The following SHTN1 variants were observed in gnomAD, a reference collection of about 807,000 sequenced individuals.
The protein encoded by SHTN1 is shootin 1.
A neutral mutation model predicts 83.1 loss-of-function variants in SHTN1; 42 were observed. The ratio of observed to expected loss-of-function variants is 0.51; its 90% CI spans 0.39 to 0.65. SHTN1 has a LOEUF of 0.65. Among genes scored for constraint, SHTN1 ranks in the 30% least tolerant of loss-of-function variants. The pLI is 0.00. For missense variants in SHTN1, 622 were observed against 737.8 expected (o/e 0.84, Z 1.82); for synonymous variants, 224 against 247.7 (o/e 0.90, Z 0.90).
At chr10:116,896,516 C>T (rs1024708817) in intron 16 of SHTN1, among the ~76,000 whole-genome samples, 4 of 152,000 alleles carry the variant, frequency 2.6e-5, no homozygotes, top group Admixed American at 2.0e-4. Context: ...GTGTCTATGT[C>T]ACATTAAAAA....
intron 1 of SHTN1, among the ~76,000 whole-genome samples, chr10:116,998,655 G>A (rs1332259585): frequency 6.6e-6 from 1 of 152,054 alleles, no homozygotes; most frequent in Non-Finnish European, 1.5e-5. Context: ...GGGTAAGCAG[G>A]GACTACAGTA....
Position 116,967,847 on chromosome 10 carries a change from A to T in SHTN1, c.172+805T>A, listed in dbSNP as rs970555194. Among the ~76,000 whole-genome samples, 4 of 152,210 alleles carry T rather than the reference A, an allele frequency of 2.6e-5. No homozygotes were observed. In the East Asian group the frequency reaches 7.7e-4, roughly 29 times the overall value. On this transcript the variant is annotated intron_variant, in intron 3 of 16. Transcript: ENST00000355371. ...TGTCAATGAAAGAATAATTAAATAC[A>T]TTATGGTACTATCCTATAATGGAAT...
At chr10:116,958,644 C>A (rs921994754) in intron 4 of SHTN1, among the ~76,000 whole-genome samples, 2 of 152,002 alleles carry the variant, frequency 1.3e-5, no homozygotes, top group African/African-American at 4.8e-5. Context: ...TAGAGCAAGA[C>A]AACTGTAGCT....
At chr10:116,972,372 T>G (rs1393719548) in intron 2 of SHTN1, among the ~76,000 whole-genome samples, 1 of 151,426 alleles carries the variant, frequency 6.6e-6, no homozygotes, top group Non-Finnish European at 1.5e-5. Context: ...GTGGGGAGAG[T>G]CTACACATGC....
At chr10:116,887,567 C>G (rs1403791937) in intron 16 of SHTN1, among the ~76,000 whole-genome samples, 1 of 152,184 alleles carries the variant, frequency 6.6e-6, no homozygotes, top group Non-Finnish European at 1.5e-5. Flanking sequence ...ACTGCTCTAC[C>G]AGCCCCTCAC....
At chr10:116,918,410 G>T (rs779314997) in intron 12 of SHTN1, among the ~76,000 whole-genome samples, 30 of 151,058 alleles carry the variant, frequency 2.0e-4, no homozygotes, top group Non-Finnish European at 4.1e-4. Flanking sequence ...AAACGAAAAT[G>T]AATTTCCAAA....
upstream of SHTN1, among the ~76,000 whole-genome samples, chr10:117,008,124 T>C (rs960597874): frequency 6.6e-6 from 1 of 151,998 alleles, no homozygotes; most frequent in African/African-American, 2.4e-5. Flanking sequence ...CATATATATA[T>C]ACAAATATAT....
chr10:116,968,509 G>T, intron 3 of SHTN1, 143 bp downstream of exon 3: 2 of 566,764 alleles, frequency 3.5e-6, no homozygotes, highest in Non-Finnish European at 6.2e-6. Flanking sequence ...GTGATGCCTG[G>T]GCATGTTTGG....
intron 1 of SHTN1, among the ~76,000 whole-genome samples, chr10:117,103,773 T>C (rs990379774): frequency 2.6e-5 from 4 of 152,034 alleles, no homozygotes; most frequent in African/African-American, 9.7e-5. Context: ...CCTGACCTCA[T>C]GATCCGCCCT....
intron 1 of SHTN1, among the ~76,000 whole-genome samples, chr10:117,081,269 C>T (rs373075389): frequency 2.0e-5 from 3 of 151,740 alleles, no homozygotes; most frequent in South Asian, 2.1e-4. Flanking sequence ...TGTCAAAGGC[C>T]TTTTCTGCAT....
At chr10:117,108,810 A>T (rs1387292138) in intron 1 of SHTN1, among the ~76,000 whole-genome samples, 1 of 152,250 alleles carries the variant, frequency 6.6e-6, no homozygotes, top group African/African-American at 2.4e-5. Flanking sequence ...TGATGGAGTG[A>T]GGAAAACAGA....
chr10:116,965,560 A>G (rs757981690), intron 3 of SHTN1, among the ~76,000 whole-genome samples: 11 of 152,230 alleles, frequency 7.2e-5, no homozygotes, highest in Non-Finnish European at 1.2e-4. Context: ...CAGGGATTTC[A>G]GATTTCAACT....
At chr10:116,898,251 T>G (rs887042802) in intron 16 of SHTN1, among the ~76,000 whole-genome samples, 3 of 151,784 alleles carry the variant, frequency 2.0e-5, no homozygotes, top group African/African-American at 7.3e-5. Context: ...TCGCTTGAAC[T>G]TGGGTGGCGG....
chr10:116,887,631 G>A (rs1334901415), intron 16 of SHTN1, among the ~76,000 whole-genome samples: 3 of 152,248 alleles, frequency 2.0e-5, no homozygotes, highest in African/African-American at 4.8e-5. Flanking sequence ...GAGCTGGCAG[G>A]AGACACTCTT....
chr10:116,930,144 T>A, intron 9 of SHTN1, 142 bp from the exon 10 acceptor site: 1 of 523,272 alleles, frequency 1.9e-6, no homozygotes, highest in Non-Finnish European at 3.3e-6. Flanking sequence ...ACCATGCAAA[T>A]GCTAGATACA....
At chr10:116,997,026 T>C (rs1461325654) in intron 1 of SHTN1, among the ~76,000 whole-genome samples, 1 of 152,220 alleles carries the variant, frequency 6.6e-6, no homozygotes, top group African/African-American at 2.4e-5. Flanking sequence ...TGAAGGAAAC[T>C]ATCTGCCTTC....
chr10:116,886,674 A>C, intron 16 of SHTN1, 108 bp from the exon 17 acceptor site: 2 of 1,448,650 alleles, frequency 1.4e-6, no homozygotes, highest in Non-Finnish European at 1.9e-6. Flanking sequence ...TTCTAAGTCT[A>C]ATCAACATGC....
chr10:117,081,786 T>G (rs1235102317), intron 1 of SHTN1, among the ~76,000 whole-genome samples: 95 of 149,862 alleles, frequency 6.3e-4, no homozygotes, highest in African/African-American at 2.0e-3. Flanking sequence ...GTCAAGGAAT[T>G]TATCCATTTC....
intron 1 of SHTN1, among the ~76,000 whole-genome samples, chr10:117,122,641 G>A (rs1455387056): frequency 6.6e-6 from 1 of 152,146 alleles, no homozygotes; most frequent in Admixed American, 6.5e-5. Flanking sequence ...TTCATGACAT[G>A]ACTTATGAAA....
Sources: allele counts gnomAD v4.1 joint callset (sites outside exome capture counted in the v4.1 genomes callset), GRCh38; gene constraint gnomAD v4.1.1; transcripts MANE v1.5; gene names NCBI Gene and HGNC (gene_info 2026-07-23, HGNC 2026-07-21).